The following MAMDC2 variants were observed in gnomAD, a reference collection of about 807,000 sequenced individuals.
MAMDC2 encodes MAM domain-containing protein 2.
Under a neutral mutation model 89.8 loss-of-function variants are expected in MAMDC2, and 57 were observed. That is an observed-to-expected ratio of 0.63 (90% CI 0.51 to 0.79). The LOEUF (loss-of-function observed/expected upper bound fraction) is 0.79, where lower values mean the gene tolerates loss of function less well. Ranked by LOEUF, MAMDC2 falls within the 30% of genes least tolerant of loss-of-function variation. The pLI is 0.00. For synonymous variants in MAMDC2, 313 were observed against 293.4 expected, an observed-to-expected ratio of 1.07 and a Z score of -0.68; for missense variants, 800 against 820.6, an observed-to-expected ratio of 0.97 and a Z score of 0.31.
chr9:70,217,188 C>T (rs902505590), intron 11 of MAMDC2: 15 of 713,188 alleles, frequency 2.1e-5, no homozygotes, highest in Middle Eastern at 2.8e-4. Context: ...CCCGTGGAGC[C>T]GTCGCCACGA....
At chr9:70,119,848 G>C (rs1036922073) in intron 5 of MAMDC2, among the ~76,000 whole-genome samples, 4 of 152,204 alleles carry the variant, frequency 2.6e-5, no homozygotes, top group African/African-American at 9.7e-5. Context: ...GGGACAAAAG[G>C]TTTCACTTGC....
At chr9:70,225,857 T>A in intron 13 of MAMDC2, 23 bp downstream of exon 13, 1 of 1,559,326 alleles carries the variant, frequency 6.4e-7, no homozygotes, top group Non-Finnish European at 8.8e-7. Context: ...CCCAATCATA[T>A]AAGCTTGACT....
At chr9:70,121,059 G>A (rs1314399982) in intron 5 of MAMDC2, among the ~76,000 whole-genome samples, 1 of 152,202 alleles carries the variant, frequency 6.6e-6, no homozygotes, top group Admixed American at 6.5e-5. Context: ...TGCAAATGTG[G>A]CCAGCAGGGC....
chr9:70,189,088 A>C (rs1409536005), intron 11 of MAMDC2, among the ~76,000 whole-genome samples: 1 of 152,174 alleles, frequency 6.6e-6, no homozygotes, highest in Admixed American at 6.6e-5. Flanking sequence ...TTTAAATCAG[A>C]AGATAAGAGA....
chr9:70,163,515 C>T (rs2032057238), intron 9 of MAMDC2, among the ~76,000 whole-genome samples: 1 of 152,168 alleles, frequency 6.6e-6, no homozygotes, highest in South Asian at 2.1e-4. Context: ...GCGTGAGCCA[C>T]TGTGCCTGGC....
At chr9:70,174,033 A>G (rs1306208599) in intron 11 of MAMDC2, among the ~76,000 whole-genome samples, 2 of 152,212 alleles carry the variant, frequency 1.3e-5, no homozygotes, top group South Asian at 2.1e-4. Flanking sequence ...TCTTAGTTCT[A>G]CCTTTAACCT....
chr9:70,207,763 A>G (rs1401793006), intron 11 of MAMDC2, among the ~76,000 whole-genome samples: 2 of 152,274 alleles, frequency 1.3e-5, no homozygotes, highest in East Asian at 3.9e-4. Context: ...TTATGGTTTT[A>G]GGTCTAACAT....
intron 5 of MAMDC2, among the ~76,000 whole-genome samples, chr9:70,125,478 T>C (rs943537): frequency 0.52 from 78,763 of 152,130 alleles, 23,996 homozygotes; most frequent in Non-Finnish European, 0.67. Context: ...ACATGGTTTC[T>C]GTGTTTCACC....
intron 2 of MAMDC2, among the ~76,000 whole-genome samples, chr9:70,051,767 T>C (rs1359396636): frequency 2.6e-5 from 4 of 152,190 alleles, no homozygotes; most frequent in Non-Finnish European, 5.9e-5. Context: ...CCTTCAATTT[T>C]TCTTATGCTT....
chr9:70,092,714 C>T (rs1383140936), intron 2 of MAMDC2: 1 of 152,140 alleles, frequency 6.6e-6, no homozygotes, highest in Non-Finnish European at 1.5e-5. Flanking sequence ...TGATCACAGC[C>T]ATTCTTCTTT....
intron 11 of MAMDC2, among the ~76,000 whole-genome samples, chr9:70,211,765 A>T (rs1369911068): frequency 6.6e-6 from 1 of 152,052 alleles, no homozygotes; most frequent in African/African-American, 2.4e-5. Context: ...GGTTTTATCT[A>T]CCTTTGGTCT....
chr9:70,073,152 T>C (rs1278705828), intron 2 of MAMDC2, among the ~76,000 whole-genome samples: 1 of 152,220 alleles, frequency 6.6e-6, no homozygotes, highest in African/African-American at 2.4e-5. Context: ...CTATTTAAGA[T>C]GCAACAGAGA....
At chr9:70,044,911 A>G (rs1163305227) in intron 2 of MAMDC2, among the ~76,000 whole-genome samples, 1 of 152,222 alleles carries the variant, frequency 6.6e-6, no homozygotes, top group African/African-American at 2.4e-5. Flanking sequence ...TACCTGGCCT[A>G]TGGGTAGAAG....
intron 2 of MAMDC2, among the ~76,000 whole-genome samples, chr9:70,062,257 G>GTA (rs976321472): frequency 2.8e-5 from 4 of 145,082 alleles, no homozygotes; most frequent in African/African-American, 1.1e-4. Flanking sequence ...CATATGAGAT[G>GTA]TATACACACA....
intron 2 of MAMDC2, among the ~76,000 whole-genome samples, chr9:70,073,377 A>T (rs1827454188): frequency 6.6e-6 from 1 of 152,208 alleles, no homozygotes; most frequent in East Asian, 1.9e-4. Context: ...TTTAAAACCA[A>T]AACAAAAATA....
chr9:70,108,179 G>C, intron 2 of MAMDC2, 32 bp from the exon 3 acceptor site: 1 of 1,505,712 alleles, frequency 6.6e-7, no homozygotes, highest in South Asian at 1.4e-5. Flanking sequence ...AACAAAAATT[G>C]ATCCTTTTCC....
At chr9:70,139,225 C>T (rs185629858) in intron 7 of MAMDC2, among the ~76,000 whole-genome samples, 12 of 145,668 alleles carry the variant, frequency 8.2e-5, no homozygotes, top group African/African-American at 3.0e-4. Flanking sequence ...CACCCATTAA[C>T]TCGTCATTTA....
intron 7 of MAMDC2, among the ~76,000 whole-genome samples, chr9:70,139,067 G>A (rs2031102406): frequency 1.3e-5 from 2 of 151,706 alleles, no homozygotes; most frequent in Admixed American, 6.6e-5. Flanking sequence ...GAATTGTGAA[G>A]AAGTATATGA....
intron 2 of MAMDC2, among the ~76,000 whole-genome samples, 184 bp from the exon 3 acceptor site, chr9:70,108,027 T>C (rs1330316505): frequency 3.3e-5 from 5 of 152,164 alleles, no homozygotes; most frequent in African/African-American, 1.2e-4. Context: ...TCTGGTAACA[T>C]GGTCTCAGTG....
Sources: gnomAD v4.1 joint callset for allele counts (sites outside exome capture counted in the v4.1 genomes callset) on GRCh38, gnomAD v4.1.1 for gene constraint, MANE v1.5 for transcripts, NCBI Gene and HGNC (gene_info 2026-07-23, HGNC 2026-07-21) for gene names.